Variants in MOSMO observed in about 807,000 individuals in gnomAD.
MOSMO encodes modulator of smoothened protein.
Under a neutral mutation model 18.4 loss-of-function variants are expected in MOSMO, and 5 were observed. The observed-to-expected ratio is 0.27, with a 90% confidence interval of 0.14 to 0.57. The LOEUF (loss-of-function observed/expected upper bound fraction) is 0.57. Among genes scored for constraint, MOSMO ranks in the 20% least tolerant of loss-of-function variants. The probability of loss-of-function intolerance (pLI) is 0.92; values close to 1 mark genes in which losing one functional copy is unlikely to be tolerated. For synonymous variants in MOSMO, 82 were observed against 82.3 expected, an observed-to-expected ratio of 1.00 and a Z score of 0.02; for missense variants, 138 against 211.8, an observed-to-expected ratio of 0.65 and a Z score of 2.16.
chr16:22,010,540 A>G (rs1428177433), intron 1 of MOSMO, among the ~76,000 whole-genome samples: 1 of 152,186 alleles, frequency 6.6e-6, no homozygotes. Context: ...AGACTAAATG[A>G]CCATGCAAAA....
intron 1 of MOSMO, among the ~76,000 whole-genome samples, chr16:22,048,011 G>A (rs2141740878): frequency 6.6e-6 from 1 of 152,328 alleles, no homozygotes; most frequent in East Asian, 1.9e-4. Context: ...AAAGTGGCCT[G>A]ATCTTGAAAG....
intron 1 of MOSMO, among the ~76,000 whole-genome samples, chr16:22,061,940 TC>T (rs1407914699): frequency 4.6e-5 from 7 of 152,318 alleles, no homozygotes; most frequent in African/African-American, 1.7e-4. Flanking sequence ...GAAAACAAGC[TC>T]CTCTTAAAGA....
intron 1 of MOSMO, among the ~76,000 whole-genome samples, chr16:22,039,079 C>A (rs1474025717): frequency 2.0e-5 from 3 of 152,158 alleles, no homozygotes; most frequent in South Asian, 2.1e-4. Flanking sequence ...TAATCATAAT[C>A]ATCTATTCAG....
At chr16:22,034,721 GTTTTTTTTGTTT>G (rs1321480698) in intron 1 of MOSMO, among the ~76,000 whole-genome samples, 1 of 40,798 alleles carries the variant, frequency 2.5e-5, no homozygotes, top group African/African-American at 7.4e-5. Context: ...TTTAGAAACT[GTTTTTTTTGTTT>G]GTTTTTTTGG....
chr16:22,088,279 A>G (rs1170044317), downstream of MOSMO, among the ~76,000 whole-genome samples: 1 of 152,098 alleles, frequency 6.6e-6, no homozygotes, highest in East Asian at 1.9e-4. Flanking sequence ...TGGCCTCCCA[A>G]AGTGCTGGGA....
At chr16:22,051,375 G>A (rs985867439) in intron 1 of MOSMO, among the ~76,000 whole-genome samples, 1 of 151,084 alleles carries the variant, frequency 6.6e-6, no homozygotes, top group Admixed American at 6.6e-5. Context: ...GACAGAGCAA[G>A]ACTCCATCTC....
chr16:22,072,833 T>C (rs892811382), intron 1 of MOSMO, among the ~76,000 whole-genome samples: 8 of 152,000 alleles, frequency 5.3e-5, no homozygotes, highest in African/African-American at 1.9e-4. Flanking sequence ...AGTGTATTGA[T>C]TTTCTTATAT....
intron 2 of MOSMO, among the ~76,000 whole-genome samples, chr16:22,080,474 A>G (rs965994035): frequency 6.6e-6 from 1 of 152,180 alleles, no homozygotes; most frequent in African/African-American, 2.4e-5. Context: ...TGATATTCAG[A>G]ATTGTCCTAA....
At chr16:22,023,136 T>A (rs1288239195) in intron 1 of MOSMO, among the ~76,000 whole-genome samples, 38 of 152,202 alleles carry the variant, frequency 2.5e-4, no homozygotes, top group Admixed American at 2.5e-3. Flanking sequence ...TTGAGTCACT[T>A]AAGAAACCAT....
intron 1 of MOSMO, among the ~76,000 whole-genome samples, chr16:22,043,766 A>G (rs1900254073): frequency 6.6e-6 from 1 of 152,214 alleles, no homozygotes; most frequent in African/African-American, 2.4e-5. Context: ...TGAATTTATA[A>G]TCGTAGAGAC....
chr16:22,031,841 A>G (rs1391408218), intron 1 of MOSMO, among the ~76,000 whole-genome samples: 1 of 152,240 alleles, frequency 6.6e-6, no homozygotes, highest in Non-Finnish European at 1.5e-5. Context: ...TTGCATGGAC[A>G]TACATTTTCA....
At chr16:22,060,717 A>G (rs1477541519) in intron 1 of MOSMO, among the ~76,000 whole-genome samples, 3 of 152,170 alleles carry the variant, frequency 2.0e-5, no homozygotes, top group African/African-American at 7.2e-5. Flanking sequence ...TACTAAAAAT[A>G]CAAAAGTTAG....
chr16:22,021,895 C>T (rs1899771597), intron 1 of MOSMO, among the ~76,000 whole-genome samples: 1 of 152,044 alleles, frequency 6.6e-6, no homozygotes. Flanking sequence ...TGTTTCTTGG[C>T]CTCGGAGCTA....
intron 1 of MOSMO, among the ~76,000 whole-genome samples, chr16:22,048,980 C>T (rs1900370349): frequency 6.6e-6 from 1 of 152,100 alleles, no homozygotes; most frequent in South Asian, 2.1e-4. Context: ...TTTCTTGATG[C>T]TATCTCTGCT....
rs76803084 is a variant in MOSMO at position 22,075,444 on chromosome 16, G to A, written c.107-43G>A. On this transcript the variant is annotated intron_variant, in intron 1 of 2. Coordinates refer to ENST00000542527, the MANE Select transcript of MOSMO (RefSeq NM_001164579.2). ...GGTGGTGAGGAATATTCCCTGGACAGGCCAAACCCACTAAAGTATTCCCAC... is the reference window on the plus strand; with the variant it reads ...GGTGGTGAGGAATATTCCCTGGACAAGCCAAACCCACTAAAGTATTCCCAC... 4.5e-3 allele frequency: 5,730 copies of A among 1,285,062 alleles called. 48 individuals are homozygous for A. Among genetic ancestry groups the A allele is most frequent in the African/African-American group, 0.021 (1,161 of 55,660 alleles). 79.6% of individuals were successfully genotyped at this position (1,285,062 alleles called of 1,614,324 possible). A position where few individuals can be genotyped will look rare whatever the true frequency, so the allele number is the denominator to read the frequency against.
intron 1 of MOSMO, among the ~76,000 whole-genome samples, chr16:22,064,040 A>G (rs1222141709): frequency 6.6e-6 from 1 of 152,192 alleles, no homozygotes; most frequent in Non-Finnish European, 1.5e-5. Context: ...TCTGGGCTTC[A>G]GTATTTTCTA....
intron 1 of MOSMO, among the ~76,000 whole-genome samples, chr16:22,041,628 G>A (rs917147569): frequency 2.0e-5 from 3 of 152,164 alleles, no homozygotes; most frequent in African/African-American, 7.2e-5. Context: ...AAAGGGTTAA[G>A]CTTCAGGAAA....
At chr16:22,041,731 G>A (rs1486898423) in intron 1 of MOSMO, among the ~76,000 whole-genome samples, 2 of 151,726 alleles carry the variant, frequency 1.3e-5, no homozygotes, top group African/African-American at 4.8e-5. Context: ...CCCAGGCTGG[G>A]CAGTTGCTCA....
downstream of MOSMO, chr16:22,085,120 C>A (rs1483370154): frequency 6.6e-6 from 1 of 152,184 alleles, no homozygotes; most frequent in Non-Finnish European, 1.5e-5. Flanking sequence ...AATACAGAGG[C>A]CTTTAGGCCC....
Sources: allele counts gnomAD v4.1 joint callset (sites outside exome capture counted in the v4.1 genomes callset), GRCh38; gene constraint gnomAD v4.1.1; transcripts MANE v1.5; gene names NCBI Gene and HGNC (gene_info 2026-07-23, HGNC 2026-07-21).